Variants in CNTN5 observed in about 807,000 individuals in gnomAD.
CNTN5 encodes contactin 5.
Under a neutral mutation model 129.1 loss-of-function variants are expected in CNTN5, and 77 were observed. The ratio of observed to expected loss-of-function variants is 0.60; its 90% CI spans 0.50 to 0.72. The LOEUF (loss-of-function observed/expected upper bound fraction) is 0.72, where lower values mean the gene tolerates loss of function less well. CNTN5 is among the 30% of genes least tolerant of loss of function. The pLI is 0.00. For missense variants in CNTN5, 1,478 were observed against 1,328.8 expected, an observed-to-expected ratio of 1.11 and a Z score of -1.75; for synonymous variants, 509 against 465.6, an observed-to-expected ratio of 1.09 and a Z score of -1.20.
At chr11:99,143,305 AAT>A (rs1454319546) in intron 1 of CNTN5, among the ~76,000 whole-genome samples, 2 of 112,024 alleles carry the variant, frequency 1.8e-5, no homozygotes, top group Admixed American at 1.1e-4. Flanking sequence ...ATACATGTAA[AAT>A]ATATATATTT....
At chr11:99,452,468 G>A (rs1944343133) in intron 2 of CNTN5, among the ~76,000 whole-genome samples, 1 of 144,326 alleles carries the variant, frequency 6.9e-6, no homozygotes, top group African/African-American at 2.6e-5. Context: ...TGCCTCCCGA[G>A]TTCACGCCAT....
rs1471360400 is a variant in CNTN5 at position 99,385,099 on chromosome 11, A to G, written c.-71+59615A>G. On this transcript the variant is annotated intron_variant, in intron 2 of 24. Coordinates refer to ENST00000524871, the MANE Select transcript of CNTN5 (RefSeq NM_014361.4). Reference sequence around the variant, plus strand: ...TTTTATGGTAAGCTATGTAAAAGGAAAGTAAGAGTCTTGAAAAATGTCTTT... The same window carrying G: ...TTTTATGGTAAGCTATGTAAAAGGAGAGTAAGAGTCTTGAAAAATGTCTTT... 2.6e-5 allele frequency among the ~76,000 whole-genome samples: 4 copies of G among 152,224 alleles called. No individual in the cohort carries two copies. The South Asian group carries it at 6.2e-4, about 24-fold the overall frequency.
At chr11:99,582,487 T>A (rs1377079395) in intron 3 of CNTN5, among the ~76,000 whole-genome samples, 1 of 152,234 alleles carries the variant, frequency 6.6e-6, no homozygotes, top group Non-Finnish European at 1.5e-5. Flanking sequence ...TTTTGTCTTT[T>A]CACATAGTGC....
chr11:99,941,571 A>AACACACACACACAC (rs71305315), intron 7 of CNTN5, among the ~76,000 whole-genome samples: 14 of 148,270 alleles, frequency 9.4e-5, no homozygotes, highest in South Asian at 4.3e-4. Context: ...ACATAAGACA[A>AACACACACACACAC]ACACACACAC....
chr11:99,555,072 G>T (rs1389787), intron 2 of CNTN5, among the ~76,000 whole-genome samples: 107,098 of 151,842 alleles, frequency 0.71, 38,165 homozygotes, highest in East Asian at 0.98. Context: ...AATAAAAATG[G>T]AAGTAACTTC....
chr11:99,267,248 C>G (rs1373404649), intron 1 of CNTN5, among the ~76,000 whole-genome samples: 1 of 151,956 alleles, frequency 6.6e-6, no homozygotes, highest in Admixed American at 6.6e-5. Flanking sequence ...ATAGAAAATG[C>G]AAACTTCCAA....
rs531221772 is a variant in CNTN5, at chr11:100,209,607, A to G, written c.1885-15085A>G. ...GGGTTAATTGGTTTTTCACAAAAATAGCATGTCTAGAAGACAGTCATAATA... is the reference window on the plus strand; with the variant it reads ...GGGTTAATTGGTTTTTCACAAAAATGGCATGTCTAGAAGACAGTCATAATA... On this transcript the variant is annotated intron_variant, in intron 15 of 24. Coordinates refer to ENST00000524871, the MANE Select transcript of CNTN5 (RefSeq NM_014361.4). 2.6e-5 allele frequency among the ~76,000 whole-genome samples: 4 copies of G among 152,364 alleles called. No homozygotes were observed. In the South Asian group the frequency reaches 8.3e-4, roughly 32 times the overall value.
intron 1 of CNTN5, among the ~76,000 whole-genome samples, chr11:99,063,831 A>G (rs961613151): frequency 1.3e-5 from 2 of 152,120 alleles, no homozygotes; most frequent in Non-Finnish European, 2.9e-5. Context: ...TCTAGACCCC[A>G]TCCAGTAAAA....
At chr11:99,783,043 A>C (rs1945371474) in intron 3 of CNTN5, among the ~76,000 whole-genome samples, 1 of 148,576 alleles carries the variant, frequency 6.7e-6, no homozygotes, top group Non-Finnish European at 1.5e-5. Flanking sequence ...GGCAACCTAC[A>C]AAATGGGAGA....
At position 99,660,540 on chromosome 11, in the gene CNTN5, C is replaced by G. The variant is rs140670648; in HGVS notation, c.55+104271C>G. ...AAAACTGACAAATTATTTTTATAGC[C>G]TAAATAGTAGGTGATGACTGCCTGA... On this transcript the variant is annotated intron_variant, in intron 3 of 24. Transcript: ENST00000524871. Among the ~76,000 whole-genome samples, 169 of 152,090 alleles carry G rather than the reference C, an allele frequency of 1.1e-3. 1 individual carries two copies. Among genetic ancestry groups the G allele is most frequent in the African/African-American group, 3.9e-3 (163 of 41,518 alleles).
At chr11:100,148,430 C>T (rs1321665355) in intron 13 of CNTN5, among the ~76,000 whole-genome samples, 1 of 152,204 alleles carries the variant, frequency 6.6e-6, no homozygotes, top group Non-Finnish European at 1.5e-5. Flanking sequence ...GCCTCTTTCT[C>T]TTTTCCCTGC....
At chr11:99,868,458 C>G (rs1948415319) in intron 6 of CNTN5, among the ~76,000 whole-genome samples, 1 of 152,082 alleles carries the variant, frequency 6.6e-6, no homozygotes, top group East Asian at 1.9e-4. Flanking sequence ...GATAAATAGG[C>G]TAAGGCTTGG....
chr11:99,031,753 A>T (rs1020372272), intron 1 of CNTN5, among the ~76,000 whole-genome samples: 2 of 150,928 alleles, frequency 1.3e-5, no homozygotes, highest in Admixed American at 6.6e-5. Flanking sequence ...TTCATGGCTT[A>T]GTTTTTCTTT....
intron 7 of CNTN5, among the ~76,000 whole-genome samples, chr11:99,950,354 G>A (rs957332416): frequency 2.0e-5 from 3 of 152,114 alleles, no homozygotes; most frequent in Non-Finnish European, 2.9e-5. Flanking sequence ...GGTGGTGGGC[G>A]CCTGTAGTCC....
At chr11:99,853,955 A>G (rs1056380442) in intron 6 of CNTN5, among the ~76,000 whole-genome samples, 17 of 152,152 alleles carry the variant, frequency 1.1e-4, no homozygotes, top group African/African-American at 4.1e-4. Context: ...AATCTTTATA[A>G]TACTGCCTTG....
intron 9 of CNTN5, among the ~76,000 whole-genome samples, chr11:100,024,390 C>T (rs777460021): frequency 1.2e-3 from 181 of 152,262 alleles, no homozygotes; most frequent in Non-Finnish European, 2.0e-3. Context: ...TCAGGCAGTT[C>T]TTCATAGCTG....
chr11:99,767,143 A>G (rs189292123), intron 3 of CNTN5, among the ~76,000 whole-genome samples: 75 of 152,178 alleles, frequency 4.9e-4, no homozygotes, highest in African/African-American at 1.4e-3. Flanking sequence ...TTCTATCTCT[A>G]TATCTATCAT....
chr11:99,498,350 T>C (rs1415560176), intron 2 of CNTN5, among the ~76,000 whole-genome samples: 2 of 152,210 alleles, frequency 1.3e-5, no homozygotes, highest in Non-Finnish European at 2.9e-5. Flanking sequence ...GGTTTATCTA[T>C]TCATTACCAC....
At chr11:99,885,627 G>A (rs1948882214) in intron 6 of CNTN5, among the ~76,000 whole-genome samples, 1 of 152,144 alleles carries the variant, frequency 6.6e-6, no homozygotes, top group Non-Finnish European at 1.5e-5. Context: ...GAAATGCTTA[G>A]CAAGATATTG....
Sources: gnomAD v4.1 joint callset for allele counts (sites outside exome capture counted in the v4.1 genomes callset) on GRCh38, gnomAD v4.1.1 for gene constraint, MANE v1.5 for transcripts, NCBI Gene and HGNC (gene_info 2026-07-23, HGNC 2026-07-21) for gene names.